The following BRF1 variants were observed in gnomAD, a reference collection of about 807,000 sequenced individuals.
BRF1 encodes the protein transcription factor IIIB 90 kDa subunit.
BRF1 carries 59 observed loss-of-function variants against 81.7 expected under a neutral mutation model. The ratio of observed to expected loss-of-function variants is 0.72; its 90% confidence interval spans 0.59 to 0.90. BRF1 has a LOEUF of 0.90. BRF1 is among the 40% of genes least tolerant of loss of function. The pLI is 0.00. For synonymous variants in BRF1, 491 were observed against 395.6 expected (o/e 1.24, Z -2.86); for missense variants, 1,050 against 936.3 (o/e 1.12, Z -1.58).
At position 105,269,790 on chromosome 14, in the gene BRF1, A is replaced by T. The variant is rs954929996; in HGVS notation, c.439+2931T>A. Among the ~76,000 whole-genome samples the T allele has an allele frequency of 2.0e-5, 3 of 152,094 alleles. No individual in the cohort carries two copies. Among genetic ancestry groups the T allele is most frequent in the Non-Finnish European group, 4.4e-5 (3 of 68,008 alleles). ...GAGGCCCAGTGAGGCAGCAGCATGG[A>T]CGTGGTTCCACCCCACCTTGCTGAC... On this transcript the variant is annotated intron_variant, in intron 3 of 17. Coordinates refer to ENST00000547530, the MANE Select transcript of BRF1 (RefSeq NM_001519.4). This position sits in a 1 kb window ranked among gnomAD's most constrained non-coding sequence, Gnocchi z 5.0.
rs587766324 is a variant in BRF1 at position 105,221,062 on chromosome 14, C to A, written c.1315+586G>T. ...CCTGGCTCCTCACACAGAGGCCAGG[C>A]CCTGGTGCCCGACGGGAGGCAGGGC... is the stretch of plus-strand genomic sequence containing the variant. On this transcript the variant is annotated intron_variant, in intron 11 of 17. Transcript: ENST00000547530. Among the ~76,000 whole-genome samples the A allele has an allele frequency of 2.0e-5, 3 of 152,372 alleles. No homozygotes were observed. The South Asian group carries it at 6.2e-4, about 32-fold the overall frequency.
At chr14:105,312,599 T>G (rs949738873) in intron 1 of BRF1, among the ~76,000 whole-genome samples, 3 of 152,152 alleles carry the variant, frequency 2.0e-5, no homozygotes, top group Non-Finnish European at 2.9e-5. Context: ...TGGGGAGGGA[T>G]GCCTCCCAGC....
chr14:105,241,193 C>T lies in BRF1; in HGVS notation c.694+72G>A, dbSNP rs939030118. 5 of 1,579,500 alleles carry T rather than the reference C, an allele frequency of 3.2e-6. No individual in the cohort carries two copies. The Admixed American group carries it at 5.1e-5, about 16-fold the overall frequency. ...GCAAACATACGGCCCAGCCCACCAG[C>T]ACTCAGGAGTCAGGAAAGTGTGAGG... On this transcript the variant is annotated intron_variant, in intron 6 of 17. Transcript: ENST00000547530.
At chr14:105,294,009 C>G (rs894014370) in intron 1 of BRF1, among the ~76,000 whole-genome samples, 2 of 152,232 alleles carry the variant, frequency 1.3e-5, no homozygotes, top group Admixed American at 6.5e-5. Context: ...CTGGGGCCTA[C>G]TTGTGTGCCA....
chr14:105,219,123 C>T (rs1595269230), intron 13 of BRF1, 28 bp downstream of exon 13: 2 of 1,613,016 alleles, frequency 1.2e-6, no homozygotes, highest in Non-Finnish European at 1.7e-6. Flanking sequence ...GTGCGTCCTG[C>T]GTGTGAGTGT....
intron 3 of BRF1, among the ~76,000 whole-genome samples, chr14:105,263,588 G>A (rs1390565229): frequency 6.6e-6 from 1 of 151,752 alleles, no homozygotes; most frequent in Non-Finnish European, 1.5e-5. Context: ...AGCAGCAACT[G>A]GATCAGAGTG....
chr14:105,279,544 T>C (rs1158831487), intron 2 of BRF1, among the ~76,000 whole-genome samples: 1 of 152,176 alleles, frequency 6.6e-6, no homozygotes, highest in African/African-American at 2.4e-5. Context: ...CTGGAAAGGC[T>C]GATGATGCCA....
intron 5 of BRF1, chr14:105,250,171 C>T: frequency 6.2e-7 from 1 of 1,612,980 alleles, no homozygotes; most frequent in Non-Finnish European, 8.5e-7. Context: ...CGGCCACCAA[C>T]AAGCCCCGCC....
intron 10 of BRF1, 115 bp from the exon 11 acceptor site, chr14:105,222,029 G>A (rs1159227810): frequency 9.9e-6 from 13 of 1,318,028 alleles, no homozygotes; most frequent in East Asian, 5.3e-5. Flanking sequence ...GTCAGTGCAC[G>A]GTGCCTGGCG....
At chr14:105,278,692 G>A (rs190029590) in intron 2 of BRF1, among the ~76,000 whole-genome samples, 27 of 151,930 alleles carry the variant, frequency 1.8e-4, no homozygotes, top group African/African-American at 6.5e-4. Context: ...GATCACTGGA[G>A]CCCAGGAGTT....
At chr14:105,286,268 G>A (rs1347175888) in intron 2 of BRF1, 28 bp downstream of exon 2, 27 of 1,601,798 alleles carry the variant, frequency 1.7e-5, no homozygotes, top group Middle Eastern at 1.7e-4. Flanking sequence ...CCCGCCGCAC[G>A]CTCAGCAGCA....
intron 5 of BRF1, among the ~76,000 whole-genome samples, chr14:105,246,629 G>T (rs1566829916): frequency 6.7e-6 from 1 of 150,120 alleles, no homozygotes. Context: ...GTTAATTTTT[G>T]TATTTTTAGT....
chr14:105,302,362 CCTGG>C (rs998704125), upstream of BRF1, among the ~76,000 whole-genome samples: 1 of 151,604 alleles, frequency 6.6e-6, no homozygotes, highest in African/African-American at 2.4e-5. Context: ...CACCACCACA[CCTGG>C]CTAATTTTGT....
intron 12 of BRF1, chr14:105,219,839 C>G (rs1344529818): frequency 1.7e-6 from 1 of 586,662 alleles, no homozygotes; most frequent in Non-Finnish European, 3.0e-6. Context: ...CCGCAAGGAC[C>G]AGGCGCAAAG....
chr14:105,227,071 G>A (rs959607843), intron 7 of BRF1: 1 of 321,536 alleles, frequency 3.1e-6, no homozygotes, highest in Non-Finnish European at 5.8e-6. Flanking sequence ...AGCTGTGATA[G>A]CGCCACTGGC....
rs781617662 is a variant in BRF1 at position 105,241,432 on chromosome 14, C to A, written c.545-18G>T. On this transcript the variant is annotated intron_variant, in intron 5 of 17. Transcript: ENST00000547530. The stretch of plus-strand genomic sequence containing the variant: ...GCACGGGTCTGCGGCAGACACAGCA[C>A]CTCAGTGCCCACCTCCATGTGCCAT... 1.9e-6 allele frequency: 3 copies of A among 1,609,060 alleles called. No homozygotes were observed. The highest frequency in any genetic ancestry group is 2.5e-6 in the Non-Finnish European group (3 of 1,179,804).
At chr14:105,222,167 C>G (rs1892383748) in intron 10 of BRF1, 3 of 446,234 alleles carry the variant, frequency 6.7e-6, no homozygotes, top group Non-Finnish European at 7.8e-6. Flanking sequence ...AAAAGAAAAA[C>G]TTTGTGACCT....
intron 5 of BRF1, chr14:105,250,928 C>T (rs14592): frequency 0.058 from 28,160 of 485,796 alleles, 1,061 homozygotes; most frequent in Non-Finnish European, 0.079. Flanking sequence ...CAGATCCCCT[C>T]CCAGTGGCAC....
intron 5 of BRF1, chr14:105,250,312 A>G (rs776581353): frequency 6.2e-7 from 1 of 1,613,308 alleles, no homozygotes. Context: ...CAGTGGACAG[A>G]AGGGTATTTA....
Sources: allele counts gnomAD v4.1 joint callset (sites outside exome capture counted in the v4.1 genomes callset), GRCh38; gene constraint gnomAD v4.1.1; non-coding constraint Gnocchi (gnomAD v3.1); transcripts MANE v1.5; gene names NCBI Gene and HGNC (gene_info 2026-07-23, HGNC 2026-07-21).